Variants in SLC4A11 observed in about 807,000 individuals in gnomAD.
The protein encoded by SLC4A11 is bicarbonate transporter related protein 1.
In SLC4A11, 74 loss-of-function variants were observed where a neutral mutation model predicts 95.0. That is an observed-to-expected ratio of 0.78 (90% CI 0.65 to 0.95). SLC4A11 has a LOEUF of 0.95. Ranked by LOEUF, SLC4A11 falls within the 40% of genes least tolerant of loss-of-function variation. SLC4A11 has a pLI of 0.00. For missense variants in SLC4A11, 1,081 were observed against 1,192.4 expected (o/e 0.91, Z 1.38); for synonymous variants, 548 against 519.0 (o/e 1.06, Z -0.76).
rs1335404693 is a variant in SLC4A11 at position 3,230,726 on chromosome 20, C to T, written c.1282+6G>A. 2 of 1,613,132 alleles carry T rather than the reference C, an allele frequency of 1.2e-6. No individual in the cohort carries two copies. Among genetic ancestry groups the T allele is most frequent in the Non-Finnish European group, 1.7e-6 (2 of 1,180,024 alleles). ...GCACCATCTCCCGCCTCAGCCCCCA[C>T]TGCACCCTGGATGTAGAGCGCCAGG... On this transcript the variant is annotated splice_donor_region_variant and intron_variant, in intron 11 of 19. Transcript: ENST00000642402.
intron 19 of SLC4A11, 98 bp downstream of exon 19, chr20:3,228,161 G>T (rs1461699784): frequency 2.1e-5 from 3 of 144,052 alleles, no homozygotes; most frequent in Non-Finnish European, 3.8e-5. Context: ...CCCATTCTCC[G>T]CCCCTAGGTG....
intron 7 of SLC4A11, 99 bp downstream of exon 7, chr20:3,233,415 A>C: frequency 6.4e-7 from 1 of 1,551,016 alleles, no homozygotes; most frequent in Non-Finnish European, 8.8e-7. Flanking sequence ...GGTGAGGACC[A>C]GGCCTTCAGA....
chr20:3,231,902 T>A lies in SLC4A11; in HGVS notation c.730-354A>T, dbSNP rs1166979075. 6.6e-6 allele frequency among the ~76,000 whole-genome samples: 1 copy of A among 152,056 alleles called. No individual in the cohort carries two copies. Among genetic ancestry groups the A allele is most frequent in the Non-Finnish European group, 1.5e-5 (1 of 68,004 alleles). On this transcript the variant is annotated intron_variant, in intron 7 of 19. Transcript: ENST00000642402. This position sits in a 1 kb window ranked among gnomAD's most constrained non-coding sequence, Gnocchi z 5.2. ...CAAACTCCTGGCCTCAAGCAATCCA[T>A]CTGTCTAGGCCTCCCAAAGTGCTGG...
chr20:3,235,003 C>T (rs563772399), intron 2 of SLC4A11, 109 bp from the exon 3 acceptor site: 12 of 1,407,966 alleles, frequency 8.5e-6, no homozygotes, highest in Non-Finnish European at 1.1e-5. Context: ...ACTCTCGGGC[C>T]GTGGTGGGAG....
At position 3,234,616 on chromosome 20, in the gene SLC4A11, C is replaced by G; in HGVS notation, c.243G>C (p.Glu81Asp). 1.2e-6 allele frequency: 2 copies of G among 1,613,908 alleles called. No homozygotes were observed. The highest frequency in any genetic ancestry group is 1.7e-6 in the Non-Finnish European group (2 of 1,180,018). Residue 81 changes from glutamate (E) to aspartate (D), a missense_variant and splice_region_variant, in exon 4 of 20, where the codon GAG (glutamate) becomes GAC (aspartate). This residue lies in a region of SLC4A11 where 310 missense variants were observed against 313.5 expected (regional missense o/e 0.99). Transcript: ENST00000642402. This position sits in a 1 kb window ranked among gnomAD's most constrained non-coding sequence, Gnocchi z 5.8. ...CACAGCCACCGGAAGTCGCTTCATT[C>G]TCTGCCGGAGAAAAGCGGGGAGGGC... ...VNLEMQATNT[E>D]NEATSGGCVL...
At position 3,230,949 on chromosome 20, in the gene SLC4A11, G is replaced by A. The variant is rs752589904; in HGVS notation, c.1152C>T (p.Asn384=). 20 of 1,613,662 alleles carry A rather than the reference G, an allele frequency of 1.2e-5. No homozygotes were observed. Among genetic ancestry groups the A allele is most frequent in the Non-Finnish European group, 1.7e-5 (20 of 1,179,912 alleles). ...GCCCCTCACCGATGGCCCCGTCTGT[G>A]TTCTCGTCATTGAGAGACCCGAAAG... ...TIAFGSLNDE[N]TDGAIDVQKT... Residue 384 remains asparagine (N), a synonymous_variant, in exon 10 of 20, where the codon AAC becomes AAT. Transcript: ENST00000642402.
At position 3,237,527 on chromosome 20, in the gene SLC4A11, C is replaced by T. The variant is rs1183164030; in HGVS notation, c.88+17G>A. ...CAAGCTCTCTCTGCACACACACACT[C>T]CCCGAGAGGTACTCACTTGAATCCT... On this transcript the variant is annotated intron_variant, in intron 2 of 19. Transcript: ENST00000642402. 5 of 1,613,220 alleles carry T rather than the reference C, an allele frequency of 3.1e-6. No homozygotes were observed. Among genetic ancestry groups the T allele is most frequent in the East Asian group, 4.5e-5 (2 of 44,884 alleles).
At position 3,234,046 on chromosome 20, in the gene SLC4A11, C is replaced by T. The variant is rs1310184904; in HGVS notation, c.523+37G>A. ...GGAGGGTGGTGGGTCAACAGCCCCT[C>T]CCAACGCCCCCGCCCGGGCCGGGAG... On this transcript the variant is annotated intron_variant, in intron 5 of 19. Coordinates refer to ENST00000642402, the MANE Select transcript of SLC4A11 (RefSeq NM_001174089.2). The surrounding 1 kb of genome is among the most constrained non-coding windows in gnomAD (Gnocchi z 5.8). 6.2e-7 allele frequency: 1 copy of T among 1,613,720 alleles called. No homozygotes were observed. The highest frequency in any genetic ancestry group is 8.5e-7 in the Non-Finnish European group (1 of 1,179,952).
rs147477986 is a variant in SLC4A11, at chr20:3,231,576, T to TG, written c.730-29_730-28insC. 352,569 of 1,607,638 alleles carry TG rather than the reference T, an allele frequency of 0.22. 39,199 individuals are homozygous for TG. The highest frequency in any genetic ancestry group is 0.31 in the East Asian group (13,851 of 44,780). ...AGGGGTGGAGGATGGGAGTCACCCC[T>TG]AGAAACAGAGGAGGCCCTGCCCGGG... is the stretch of plus-strand genomic sequence containing the variant. On this transcript the variant is annotated intron_variant, in intron 7 of 19. Transcript: ENST00000642402. This position sits in a 1 kb window ranked among gnomAD's most constrained non-coding sequence, Gnocchi z 5.2.
chr20:3,228,698 G>A lies in SLC4A11; in HGVS notation c.2202C>T (p.Asn734=), dbSNP rs1467250264. 12 of 1,612,792 alleles carry A rather than the reference G, an allele frequency of 7.4e-6. No individual in the cohort carries two copies. In the East Asian group the frequency reaches 1.3e-4, roughly 18 times the overall value. ...GCGAGGTCAGCCGCGTCTCCTTCAC[G>A]TTCACAATCCTGCGGTGGCCCGAGC... ...ENGHIYDTIV[N]VKETRLTSLG... Residue 734 remains asparagine (N), a synonymous_variant, in exon 18 of 20, where the codon AAC becomes AAT. Transcript: ENST00000642402.
chr20:3,231,334 G>A lies in SLC4A11; in HGVS notation c.944C>T (p.Pro315Leu). ...STVSLPAHRH[P>L]EPPKCKDFVP... is the part of the protein sequence containing the mutation. ...CCGCCGGCCTCTACCCTGTACCTCT[G>A]GGTGTCTGTGGGCAGGGAGGGAGAC... The change falls in exon 8 of 20, where the codon CCA (proline) becomes CTA (leucine). Residue 315 changes from proline (P) to leucine (L), a missense_variant. By Grantham distance (98) the Pro-to-Leu change is moderately conservative. Transcript: ENST00000642402. The surrounding 1 kb of genome is among the most constrained non-coding windows in gnomAD (Gnocchi z 5.2). The A allele has an allele frequency of 2.5e-6, 4 of 1,613,834 alleles. No individual in the cohort carries two copies. Among genetic ancestry groups the A allele is most frequent in the Non-Finnish European group, 3.4e-6 (4 of 1,180,006 alleles).
rs2067628680 is a variant in SLC4A11, at chr20:3,228,652, C to A, written c.2248G>T (p.Gly750Cys). The change falls in exon 18 of 20, where the codon GGC becomes TGC. Residue 750 changes from glycine to cysteine, a missense_variant. This residue lies in a region of SLC4A11 where 767 missense variants were observed against 858.0 expected (regional missense o/e 0.89). Coordinates refer to ENST00000642402, the MANE Select transcript of SLC4A11 (RefSeq NM_001174089.2). ...ACCGGCAGCAGCAACAGGGACAGGCCCACCAGGACGCTGGCGCCCAGCGAG... is the reference window on the plus strand; with the variant it reads ...ACCGGCAGCAGCAACAGGGACAGGCACACCAGGACGCTGGCGCCCAGCGAG... ...LTSLGASVLV[G>C]LSLLLLPVPL... is the part of the protein sequence containing the mutation. 1 of 1,612,838 alleles carries A rather than the reference C, an allele frequency of 6.2e-7. No homozygotes were observed. Among genetic ancestry groups the A allele is most frequent in the African/African-American group, 1.3e-5 (1 of 74,888 alleles).
chr20:3,233,680 G>A (rs1289041786), intron 6 of SLC4A11, 43 bp from the exon 7 acceptor site: 1 of 1,606,926 alleles, frequency 6.2e-7, no homozygotes, highest in Non-Finnish European at 8.5e-7. Flanking sequence ...TGCACCCCAG[G>A]GAGCTGGGGC....
chr20:3,230,544 G>A lies in SLC4A11; in HGVS notation c.1386C>T (p.Asn462=). Residue 462 remains asparagine (N), a synonymous_variant, in exon 12 of 20, where the codon AAC becomes AAT. Coordinates refer to ENST00000642402, the MANE Select transcript of SLC4A11 (RefSeq NM_001174089.2). ...SFFLALYAFF[N]LSLVMSLFKR... ...TGAAGAGACTCATGACCAGGCTGAG[G>A]TTGAAAAAGGCATAAAGCGCAAGGA... The A allele has an allele frequency of 6.2e-7, 1 of 1,613,972 alleles. No individual in the cohort carries two copies.
chr20:3,234,827 G>A lies in SLC4A11; in HGVS notation c.156C>T (p.Phe52=), dbSNP rs201768957. The A allele has an allele frequency of 2.3e-5, 37 of 1,613,974 alleles. No individual in the cohort carries two copies. In the East Asian group the frequency reaches 5.6e-4, roughly 24 times the overall value. ...ACACGATGGAGGAGTTGGCAGTGTCGAAGGCCTCATCCCCCAGGATCTCCT... is the reference window on the plus strand; with the variant it reads ...ACACGATGGAGGAGTTGGCAGTGTCAAAGGCCTCATCCCCCAGGATCTCCT... ...AREEILGDEA[F]DTANSSIVSG... The change falls in exon 3 of 20, where the codon TTC becomes TTT. Residue 52 remains phenylalanine, a synonymous_variant. Coordinates refer to ENST00000642402, the MANE Select transcript of SLC4A11 (RefSeq NM_001174089.2). The surrounding 1 kb of genome is among the most constrained non-coding windows in gnomAD (Gnocchi z 5.8).
intron 7 of SLC4A11, among the ~76,000 whole-genome samples, chr20:3,233,074 G>A (rs143435777): frequency 0.015 from 2,328 of 152,314 alleles, 26 homozygotes; most frequent in Non-Finnish European, 0.023. Flanking sequence ...GCAATCATCT[G>A]TTGAGACTTG....
chr20:3,227,940 A>T (rs1219333277), intron 19 of SLC4A11, 84 bp from the exon 20 acceptor site: 1 of 774,370 alleles, frequency 1.3e-6, no homozygotes, highest in African/African-American at 4.5e-5. Flanking sequence ...CAGCCCACCC[A>T]CAGGGCCAGG....
In SLC4A11 at chr20:3,227,504, T is replaced by G. The variant is rs963837973; in HGVS notation, c.*283A>C. Reference sequence around the variant, plus strand: ...AAGGAAATGGTTTCTCTTTCAGGCATCGACTCTTTTATCAAAAGAAAATCC... The same window carrying G: ...AAGGAAATGGTTTCTCTTTCAGGCAGCGACTCTTTTATCAAAAGAAAATCC... On this transcript the variant is annotated 3_prime_UTR_variant, in exon 20 of 20. Transcript: ENST00000642402. 2.0e-6 allele frequency: 1 copy of G among 493,474 alleles called. No individual in the cohort carries two copies. Among genetic ancestry groups the G allele is most frequent in the Non-Finnish European group, 3.7e-6 (1 of 269,902 alleles). The allele number at this position is 493,474 out of a possible 1,614,324, so 30.6% of individuals were successfully genotyped here.
rs1442090490 is a variant in SLC4A11 at position 3,228,870 on chromosome 20, C to T, written c.2160G>A (p.Glu720=). The T allele has an allele frequency of 1.2e-6, 2 of 1,613,934 alleles. No homozygotes were observed. The highest frequency in any genetic ancestry group is 2.2e-5 in the East Asian group (1 of 44,880). Residue 720 remains glutamate, a synonymous_variant, in exon 17 of 20, where the codon GAG becomes GAA. Transcript: ENST00000642402. Reference sequence around the variant, plus strand: ...AGATGTGTCCGTTCTCCACACGCTCCTCCACTAAGGCCAGGGCTCGCACGT... The same window carrying T: ...AGATGTGTCCGTTCTCCACACGCTCTTCCACTAAGGCCAGGGCTCGCACGT... The part of the protein sequence containing the change: ...PLHVRALALV[E]ERVENGHIYD...
Sources: gnomAD v4.1 joint callset for allele counts (sites outside exome capture counted in the v4.1 genomes callset) on GRCh38, gnomAD v4.1.1 for gene constraint, gnomAD v4.1.1 regional missense constraint, Gnocchi (gnomAD v3.1) non-coding constraint, MANE v1.5 for transcripts, NCBI Gene and HGNC (gene_info 2026-07-23, HGNC 2026-07-21) for gene names.